The following MFSD6 variants were observed in gnomAD, a reference collection of about 807,000 sequenced individuals.
The protein encoded by MFSD6 is major facilitator superfamily domain containing 6, also known as major facilitator superfamily domain-containing protein 6.
MFSD6 carries 26 observed loss-of-function variants against 56.3 expected under a neutral mutation model. That is an observed-to-expected ratio of 0.46 (90% confidence interval 0.34 to 0.64). MFSD6 has a LOEUF of 0.64. Among genes scored for constraint, MFSD6 ranks in the 30% least tolerant of loss-of-function variants. The pLI is 0.01. For missense variants in MFSD6, 750 were observed against 986.2 expected (o/e 0.76, Z 3.21); for synonymous variants, 331 against 366.9 (o/e 0.90, Z 1.12).
At chr2:190,450,798 A>G (rs1686751949) in intron 3 of MFSD6, among the ~76,000 whole-genome samples, 1 of 152,076 alleles carries the variant, frequency 6.6e-6, no homozygotes. Context: ...CCAGCCACTG[A>G]GTTTTTCTTT....
Position 190,431,309 on chromosome 2 carries a change from C to T in MFSD6, c.-53-4668C>T, listed in dbSNP as rs1471844638. 1.2e-4 allele frequency among the ~76,000 whole-genome samples: 18 copies of T among 152,068 alleles called. No individual in the cohort carries two copies. The highest frequency in any genetic ancestry group is 2.7e-4 in the African/African-American group (11 of 41,390). On this transcript the variant is annotated intron_variant, in intron 2 of 7. Coordinates refer to ENST00000392328, the MANE Select transcript of MFSD6 (RefSeq NM_017694.4). This position sits in a 1 kb window ranked among gnomAD's most constrained non-coding sequence, Gnocchi z 4.4. ...CTCACTTCCCAGACGGGGTGGCGGC[C>T]GGGCAGAGGCTGCAATCTCGGCACT...
chr2:190,499,791 G>T lies in MFSD6; in HGVS notation c.2173-224G>T. Reference sequence around the variant, plus strand: ...TAATGTTCCTTTTTCCACAAGACACGTCTGCTTATAGTGTTTGTGTTTTTC... The same window carrying T: ...TAATGTTCCTTTTTCCACAAGACACTTCTGCTTATAGTGTTTGTGTTTTTC... On this transcript the variant is annotated intron_variant, in intron 7 of 7. Coordinates refer to ENST00000392328, the MANE Select transcript of MFSD6 (RefSeq NM_017694.4). This position sits in a 1 kb window ranked among gnomAD's most constrained non-coding sequence, Gnocchi z 6.0. The T allele has an allele frequency of 6.6e-7, 1 of 1,504,660 alleles. No individual in the cohort carries two copies. The highest frequency in any genetic ancestry group is 8.9e-7 in the Non-Finnish European group (1 of 1,117,848). 93.2% of individuals were successfully genotyped at this position (1,504,660 alleles called of 1,614,324 possible). A position where few individuals can be genotyped will look rare whatever the true frequency, so the allele number is the denominator to read the frequency against.
intron 3 of MFSD6, chr2:190,464,773 G>A (rs1244552076): frequency 4.7e-5 from 12 of 253,332 alleles, no homozygotes; most frequent in Non-Finnish European, 7.5e-5. Flanking sequence ...TCCCAACTAG[G>A]CTGTAAGTCC....
At chr2:190,464,749 TTA>T (rs1342151066) in intron 3 of MFSD6, 2 of 182,800 alleles carry the variant, frequency 1.1e-5, no homozygotes, top group Non-Finnish European at 2.1e-5. Context: ...ACTTATTTGT[TTA>T]TGTGTTTGTC....
At position 190,485,370 on chromosome 2, in the gene MFSD6, A is replaced by G. The variant is rs985724649; in HGVS notation, c.1631-3287A>G. 6.6e-6 allele frequency among the ~76,000 whole-genome samples: 1 copy of G among 152,352 alleles called. No homozygotes were observed. The highest frequency in any genetic ancestry group is 1.5e-5 in the Non-Finnish European group (1 of 68,012). The stretch of plus-strand genomic sequence containing the variant: ...TACACATAACAAGAGGTTTGGCGTC[A>G]GCATTAAAGTTAACCTACTACCATT... On this transcript the variant is annotated intron_variant, in intron 4 of 7. Transcript: ENST00000392328. The surrounding 1 kb of genome is among the most constrained non-coding windows in gnomAD (Gnocchi z 5.1).
chr2:190,442,742 ATTGT>A (rs1686427780), intron 3 of MFSD6: 2 of 152,248 alleles, frequency 1.3e-5, no homozygotes, highest in African/African-American at 4.8e-5. Flanking sequence ...TGGGGGTGTG[ATTGT>A]TTGGTTTGAA....
In MFSD6 at chr2:190,489,332, A is replaced by T. The variant is rs1040329453; in HGVS notation, c.1793-436A>T. Among the ~76,000 whole-genome samples the T allele has an allele frequency of 2.0e-5, 3 of 152,226 alleles. No homozygotes were observed. Among genetic ancestry groups the T allele is most frequent in the African/African-American group, 4.8e-5 (2 of 41,456 alleles). Reference sequence around the variant, plus strand: ...GGAATGAGATTATTCTGCTCCAGGAATCTTAACTACTCAGTCATCTATTAA... The same window carrying T: ...GGAATGAGATTATTCTGCTCCAGGATTCTTAACTACTCAGTCATCTATTAA... On this transcript the variant is annotated intron_variant, in intron 5 of 7. Coordinates refer to ENST00000392328, the MANE Select transcript of MFSD6 (RefSeq NM_017694.4). The surrounding 1 kb of genome is among the most constrained non-coding windows in gnomAD (Gnocchi z 6.6).
Position 190,496,681 on chromosome 2 carries a change from T to C in MFSD6, c.1892-758T>C, listed in dbSNP as rs981590674. Among the ~76,000 whole-genome samples the C allele has an allele frequency of 4.0e-5, 6 of 151,882 alleles. No homozygotes were observed. The highest frequency in any genetic ancestry group is 1.5e-4 in the African/African-American group (6 of 41,338). On this transcript the variant is annotated intron_variant, in intron 6 of 7. Transcript: ENST00000392328. This position sits in a 1 kb window ranked among gnomAD's most constrained non-coding sequence, Gnocchi z 4.7. ...ATATGTGTGTGTATGTGTGTGTGTA[T>C]ATACACACACACACATATACATACA...
In MFSD6 at chr2:190,412,769, C is replaced by T. The variant is rs1227014289; in HGVS notation, c.-175-2523C>T. 3.1e-5 allele frequency: 8 copies of T among 257,820 alleles called. No individual in the cohort carries two copies. Among genetic ancestry groups the T allele is most frequent in the Non-Finnish European group, 4.2e-5 (7 of 164,818 alleles). 16.0% of individuals were successfully genotyped at this position (257,820 alleles called of 1,614,324 possible). A position where few individuals can be genotyped will look rare whatever the true frequency, so the allele number is the denominator to read the frequency against. On this transcript the variant is annotated intron_variant, in intron 1 of 7. Coordinates refer to ENST00000392328, the MANE Select transcript of MFSD6 (RefSeq NM_017694.4). This position sits in a 1 kb window ranked among gnomAD's most constrained non-coding sequence, Gnocchi z 4.1. ...TTGTTTTCCTAAATTCTGAATGATA[C>T]GTTATCCAGTACTTAGCCCCACTGC... is the stretch of plus-strand genomic sequence containing the variant.
In MFSD6 at chr2:190,445,180, T is replaced by C. The variant is rs529848281; in HGVS notation, c.1532+7619T>C. Among the ~76,000 whole-genome samples, 4 of 152,246 alleles carry C rather than the reference T, an allele frequency of 2.6e-5. No homozygotes were observed. In the South Asian group the frequency reaches 8.3e-4, roughly 32 times the overall value. On this transcript the variant is annotated intron_variant, in intron 3 of 7. Coordinates refer to ENST00000392328, the MANE Select transcript of MFSD6 (RefSeq NM_017694.4). ...TTTTATTCATCTGTAAATCTGGGGATACTTATCTCATATTAAAGAGAATTA... is the reference window on the plus strand; with the variant it reads ...TTTTATTCATCTGTAAATCTGGGGACACTTATCTCATATTAAAGAGAATTA...
rs1689788776 is a variant in MFSD6, at chr2:190,497,795, A to G, written c.2172+76A>G. On this transcript the variant is annotated intron_variant, in intron 7 of 7. Coordinates refer to ENST00000392328, the MANE Select transcript of MFSD6 (RefSeq NM_017694.4). The surrounding 1 kb of genome is among the most constrained non-coding windows in gnomAD (Gnocchi z 5.2). Reference sequence around the variant, plus strand: ...TAACTGGGCTCAGTTTTAATTACTCACTTTTCATTCAACAAGATTTATTGA... The same window carrying G: ...TAACTGGGCTCAGTTTTAATTACTCGCTTTTCATTCAACAAGATTTATTGA... 6.8e-7 allele frequency: 1 copy of G among 1,461,860 alleles called. No homozygotes were observed. The highest frequency in any genetic ancestry group is 9.3e-7 in the Non-Finnish European group (1 of 1,076,564). 90.6% of individuals were successfully genotyped at this position (1,461,860 alleles called of 1,614,324 possible).
chr2:190,469,909 T>C lies in MFSD6; in HGVS notation c.1630+54T>C. ...TTCTCTGCCTTCCCTGAGCTGTGGCTAAAAGCCCAGTGGCCTTCAGCATCT... is the reference window on the plus strand; with the variant it reads ...TTCTCTGCCTTCCCTGAGCTGTGGCCAAAAGCCCAGTGGCCTTCAGCATCT... On this transcript the variant is annotated intron_variant, in intron 4 of 7. Transcript: ENST00000392328. This position sits in a 1 kb window ranked among gnomAD's most constrained non-coding sequence, Gnocchi z 5.3. 1 of 1,344,558 alleles carries C rather than the reference T, an allele frequency of 7.4e-7. No individual in the cohort carries two copies. Among genetic ancestry groups the C allele is most frequent in the South Asian group, 1.2e-5 (1 of 81,644 alleles). 83.3% of individuals were successfully genotyped at this position (1,344,558 alleles called of 1,614,324 possible). A position where few individuals can be genotyped will look rare whatever the true frequency, so the allele number is the denominator to read the frequency against.
At chr2:190,409,407 A>G (rs897964676) in intron 1 of MFSD6, among the ~76,000 whole-genome samples, 1 of 152,296 alleles carries the variant, frequency 6.6e-6, no homozygotes, top group African/African-American at 2.4e-5. Flanking sequence ...ACTGGAACAT[A>G]TAATACCTTG....
At position 190,501,767 on chromosome 2, in the gene MFSD6, T is replaced by C. The variant is rs1372905443; in HGVS notation, c.*1549T>C. On this transcript the variant is annotated 3_prime_UTR_variant, in exon 8 of 8. Transcript: ENST00000392328. Reference sequence around the variant, plus strand: ...TTAAAAATAAAATAACTGAAAGAAATAGAATTCAGCAAATAGTTATTTTTT... The same window carrying C: ...TTAAAAATAAAATAACTGAAAGAAACAGAATTCAGCAAATAGTTATTTTTT... The C allele has an allele frequency of 6.6e-6, 1 of 152,568 alleles. No homozygotes were observed. Among genetic ancestry groups the C allele is most frequent in the Non-Finnish European group, 1.5e-5 (1 of 68,006 alleles). 9.5% of individuals were successfully genotyped at this position (152,568 alleles called of 1,614,324 possible). A position where few individuals can be genotyped will look rare whatever the true frequency, so the allele number is the denominator to read the frequency against.
Position 190,438,146 on chromosome 2 carries a change from A to G in MFSD6, c.1532+585A>G, listed in dbSNP as rs1686240084. 6.6e-6 allele frequency among the ~76,000 whole-genome samples: 1 copy of G among 152,008 alleles called. No homozygotes were observed. The highest frequency in any genetic ancestry group is 6.6e-5 in the Admixed American group (1 of 15,252). Reference sequence around the variant, plus strand: ...TACATGACTCCCTGCATTTCTGTCCACCATGAAGACATAGGATATTTGAAA... The same window carrying G: ...TACATGACTCCCTGCATTTCTGTCCGCCATGAAGACATAGGATATTTGAAA... On this transcript the variant is annotated intron_variant, in intron 3 of 7. Coordinates refer to ENST00000392328, the MANE Select transcript of MFSD6 (RefSeq NM_017694.4). The surrounding 1 kb of genome is among the most constrained non-coding windows in gnomAD (Gnocchi z 5.2).
Position 190,489,908 on chromosome 2 carries a change from G to A in MFSD6, c.1891+42G>A. The A allele has an allele frequency of 6.5e-7, 1 of 1,532,024 alleles. No homozygotes were observed. 94.9% of individuals were successfully genotyped at this position (1,532,024 alleles called of 1,614,324 possible). On this transcript the variant is annotated intron_variant, in intron 6 of 7. Transcript: ENST00000392328. The surrounding 1 kb of genome is among the most constrained non-coding windows in gnomAD (Gnocchi z 6.6). ...TTTCTTAATATTCCTAACAGTTCAGGCCATGGGAAGTCAACAAATGCCCCG... is the reference window on the plus strand; with the variant it reads ...TTTCTTAATATTCCTAACAGTTCAGACCATGGGAAGTCAACAAATGCCCCG...
At chr2:190,482,868 CTT>C (rs199927176) in intron 4 of MFSD6, among the ~76,000 whole-genome samples, 797 of 47,582 alleles carry the variant, frequency 0.017, no homozygotes, top group African/African-American at 0.029. Flanking sequence ...AGACTATCAT[CTT>C]TTTTTTTTTT....
In MFSD6 at chr2:190,501,721, C is replaced by T. The variant is rs995870437; in HGVS notation, c.*1503C>T. ...TAAGAAATTCTACACTTGGATGTCTCGCTTCACAATAAAACACAGCTTAAA... is the reference window on the plus strand; with the variant it reads ...TAAGAAATTCTACACTTGGATGTCTTGCTTCACAATAAAACACAGCTTAAA... On this transcript the variant is annotated 3_prime_UTR_variant, in exon 8 of 8. Coordinates refer to ENST00000392328, the MANE Select transcript of MFSD6 (RefSeq NM_017694.4). 2.0e-5 allele frequency: 3 copies of T among 152,506 alleles called. No individual in the cohort carries two copies. The highest frequency in any genetic ancestry group is 7.2e-5 in the African/African-American group (3 of 41,410). The allele number at this position is 152,506 out of a possible 1,614,324, so 9.4% of individuals were successfully genotyped here. A position where few individuals can be genotyped will look rare whatever the true frequency, so the allele number is the denominator to read the frequency against.
Position 190,469,954 on chromosome 2 carries a change from A to G in MFSD6, c.1630+99A>G. On this transcript the variant is annotated intron_variant, in intron 4 of 7. Transcript: ENST00000392328. This position sits in a 1 kb window ranked among gnomAD's most constrained non-coding sequence, Gnocchi z 5.3. ...GCATCTGATTCTATAAAGGAAGGGC[A>G]GGCCTACTGTTTCATGTGATTTTGA... 1.3e-6 allele frequency: 1 copy of G among 785,030 alleles called. No homozygotes were observed. The allele number at this position is 785,030 out of a possible 1,614,324, so 48.6% of individuals were successfully genotyped here. A position where few individuals can be genotyped will look rare whatever the true frequency, so the allele number is the denominator to read the frequency against.
Sources: allele counts gnomAD v4.1 joint callset (sites outside exome capture counted in the v4.1 genomes callset), GRCh38; gene constraint gnomAD v4.1.1; non-coding constraint Gnocchi (gnomAD v3.1); transcripts MANE v1.5; gene names NCBI Gene and HGNC (gene_info 2026-07-23, HGNC 2026-07-21).